The following TDRD9 variants were observed in gnomAD, a reference collection of about 807,000 sequenced individuals.
TDRD9 encodes the protein ATP-dependent RNA helicase TDRD9.
Under a neutral mutation model 172.6 loss-of-function variants are expected in TDRD9, and 124 were observed. That is an observed-to-expected ratio of 0.72 (90% CI 0.62 to 0.83). The LOEUF is 0.83. TDRD9 is among the 40% of genes least tolerant of loss of function. The probability of loss-of-function intolerance (pLI) is 0.00; values close to 1 mark genes in which losing one functional copy is unlikely to be tolerated. For synonymous variants in TDRD9, 619 were observed against 617.1 expected (o/e 1.00, Z -0.05); for missense variants, 1,479 against 1,714.1 (o/e 0.86, Z 2.42).
intron 1 of TDRD9, among the ~76,000 whole-genome samples, chr14:103,930,247 C>T (rs933576439): frequency 4.0e-5 from 6 of 151,534 alleles, no homozygotes; most frequent in South Asian, 2.1e-4. Flanking sequence ...AGTGCAGTGG[C>T]GCAATGTTGG....
rs777065614 is a variant in TDRD9, at chr14:104,007,182, CAG to C, written c.2031_2032del (p.Glu679AlafsTer7). 2.7e-5 allele frequency: 44 copies of C among 1,613,802 alleles called. No individual in the cohort carries two copies. In the Admixed American group the frequency reaches 3.0e-4, roughly 11 times the overall value. On this transcript the variant is annotated frameshift_variant, in exon 19 of 36. Coordinates refer to ENST00000409874, the MANE Select transcript of TDRD9 (RefSeq NM_153046.3). LOFTEE classifies it high-confidence loss of function. The stretch of plus-strand genomic sequence containing the variant: ...CAGACATGGAAGGCTTGCAGACAGA[CAG>C]GGGAGCTGCGGTACCCGAAGGTTGG...
intron 1 of TDRD9, chr14:103,945,315 C>G (rs934347674): frequency 1.3e-5 from 2 of 152,162 alleles, no homozygotes; most frequent in Admixed American, 1.3e-4. Context: ...ACTTTTCTTA[C>G]CACCTTAACT....
At chr14:103,962,512 G>A (rs1028994307) in intron 2 of TDRD9, among the ~76,000 whole-genome samples, 1 of 152,142 alleles carries the variant, frequency 6.6e-6, no homozygotes, top group African/African-American at 2.4e-5. Context: ...TAGATTCGGG[G>A]GTGCATGTTC....
At chr14:103,999,205 A>T (rs966589493) in intron 13 of TDRD9, among the ~76,000 whole-genome samples, 1 of 152,230 alleles carries the variant, frequency 6.6e-6, no homozygotes, top group Non-Finnish European at 1.5e-5. Flanking sequence ...CAGAGTGTCC[A>T]TTTAAATCCA....
intron 14 of TDRD9, 147 bp from the exon 15 acceptor site, chr14:104,005,127 T>C (rs1322052895): frequency 4.6e-6 from 3 of 659,206 alleles, no homozygotes; most frequent in Admixed American, 3.0e-5. Context: ...CTCCCTTCTC[T>C]TCTCTCCCTC....
chr14:103,974,545 T>C (rs1413288559), intron 6 of TDRD9, among the ~76,000 whole-genome samples: 1 of 152,242 alleles, frequency 6.6e-6, no homozygotes, highest in Non-Finnish European at 1.5e-5. Flanking sequence ...GTTTCTTGAG[T>C]TGGAGCTAGA....
intron 1 of TDRD9, among the ~76,000 whole-genome samples, chr14:103,936,458 C>G (rs1399254149): frequency 1.3e-5 from 2 of 152,136 alleles, no homozygotes; most frequent in Admixed American, 1.3e-4. Flanking sequence ...GTGAGAGTTG[C>G]TTCCTCATGC....
At chr14:104,001,980 T>C (rs1023292516) in intron 13 of TDRD9, among the ~76,000 whole-genome samples, 2 of 151,740 alleles carry the variant, frequency 1.3e-5, no homozygotes, top group East Asian at 3.9e-4. Flanking sequence ...CCATGAGCAA[T>C]GTGTGAGATC....
At chr14:103,933,577 T>G (rs947002391) in intron 1 of TDRD9, among the ~76,000 whole-genome samples, 2 of 152,038 alleles carry the variant, frequency 1.3e-5, no homozygotes, top group Non-Finnish European at 2.9e-5. Context: ...TTTTAAAAAA[T>G]ATTATTTAAA....
At chr14:103,961,429 G>C (rs1351508555) in intron 2 of TDRD9, among the ~76,000 whole-genome samples, 3 of 151,990 alleles carry the variant, frequency 2.0e-5, no homozygotes, top group African/African-American at 7.3e-5. Context: ...CGGGTGTGGT[G>C]GTGGGCACCT....
At chr14:103,941,714 T>C (rs1213477756) in intron 1 of TDRD9, 28 of 1,459,742 alleles carry the variant, frequency 1.9e-5, no homozygotes, top group Non-Finnish European at 2.4e-5. Context: ...TATGGAAATA[T>C]TTTCACTTGT....
At chr14:104,034,935 T>C (rs1206211309) in intron 31 of TDRD9, 25 bp from the exon 32 acceptor site, 10 of 1,536,184 alleles carry the variant, frequency 6.5e-6, no homozygotes, top group Admixed American at 2.0e-5. Flanking sequence ...TAATGCCCGA[T>C]GTTGATTTAG....
At chr14:104,022,729 A>AAAATAAATAAATAAATAAATAAAT (rs139166055) in intron 24 of TDRD9, among the ~76,000 whole-genome samples, 3 of 145,984 alleles carry the variant, frequency 2.1e-5, no homozygotes, top group Non-Finnish European at 1.5e-5. Context: ...GCTGTCTTAA[A>AAAATAAATAAATAAATAAATAAAT]AAATAAATAA....
In TDRD9 at chr14:104,042,165, A is replaced by T; in HGVS notation, c.3952A>T (p.Ile1318Phe). The part of the protein sequence containing the change: ...GPERVAQLQD[I>F]ARQKLLGLFC... ...AGAGAGAGTTGCGCAGCTTCAAGAC[A>T]TTGCCCGTCAGAAGCTTTTAGGGTA... The change falls in exon 34 of 36, where the codon ATT becomes TTT. Residue 1318 changes from isoleucine to phenylalanine, a missense_variant. Around this residue, in one of 3 missense-constraint regions of TDRD9, gnomAD observed 1,413 missense variants for 1,649.1 expected, o/e 0.86. Coordinates refer to ENST00000409874, the MANE Select transcript of TDRD9 (RefSeq NM_153046.3). The T allele has an allele frequency of 6.2e-7, 1 of 1,612,722 alleles. No homozygotes were observed. The highest frequency in any genetic ancestry group is 8.5e-7 in the Non-Finnish European group (1 of 1,178,758).
At position 103,933,126 on chromosome 14, in the gene TDRD9, G is replaced by A. The variant is rs75644000; in HGVS notation, c.215+4402G>A. On this transcript the variant is annotated intron_variant, in intron 1 of 35. Transcript: ENST00000409874. ...TTTCCCCATGTCTCCTCTTCCACAT[G>A]GTACTGTATTTTACTCTTTGATGGT... 6.6e-3 allele frequency among the ~76,000 whole-genome samples: 1,004 copies of A among 152,232 alleles called. 23 individuals are homozygous for A. The highest frequency in any genetic ancestry group is 0.037 in the East Asian group (194 of 5,178).
intron 8 of TDRD9, among the ~76,000 whole-genome samples, chr14:103,987,661 A>C (rs1004581035): frequency 6.6e-6 from 1 of 152,174 alleles, no homozygotes; most frequent in Non-Finnish European, 1.5e-5. Context: ...GGTTTGTTGC[A>C]TGCCTAGCAT....
In TDRD9 at chr14:104,022,211, A is replaced by G. The variant is rs1314319909; in HGVS notation, c.2487A>G (p.Ala829=). The change falls in exon 24 of 36, where the codon GCA becomes GCG. Residue 829 remains alanine, a synonymous_variant. Transcript: ENST00000409874. ...CAGAGAGATTTAAAACCCTTCCTGCAGTATATATGGCAATTAAGATGTCTC... is the reference window on the plus strand; with the variant it reads ...CAGAGAGATTTAAAACCCTTCCTGCGGTATATATGGCAATTAAGATGTCTC... The part of the protein sequence containing the change: ...NPTERFKTLP[A]VYMAIKMSQL... 3 of 1,589,328 alleles carry G rather than the reference A, an allele frequency of 1.9e-6. No individual in the cohort carries two copies. The highest frequency in any genetic ancestry group is 2.6e-6 in the Non-Finnish European group (3 of 1,167,550).
intron 32 of TDRD9, among the ~76,000 whole-genome samples, chr14:104,038,575 G>A (rs915671888): frequency 6.6e-5 from 10 of 152,348 alleles, no homozygotes; most frequent in East Asian, 1.9e-4. Flanking sequence ...TCTCAGTGAG[G>A]ACTTCCACAA....
At position 103,959,389 on chromosome 14, in the gene TDRD9, A is replaced by T. The variant is rs375629033; in HGVS notation, c.322+3619A>T. Among the ~76,000 whole-genome samples, 14 of 151,854 alleles carry T rather than the reference A, an allele frequency of 9.2e-5. No homozygotes were observed. The East Asian group carries it at 1.6e-3, about 17-fold the overall frequency. On this transcript the variant is annotated intron_variant, in intron 2 of 35. Coordinates refer to ENST00000409874, the MANE Select transcript of TDRD9 (RefSeq NM_153046.3). ...CTGGGACTGTAAACATGTCACCGTC[A>T]TGTCTGCTAAATGTTTTGAAGTGTT...
Sources: allele counts gnomAD v4.1 joint callset (sites outside exome capture counted in the v4.1 genomes callset), GRCh38; gene constraint gnomAD v4.1.1; regional missense constraint gnomAD v4.1.1; transcripts MANE v1.5; gene names NCBI Gene and HGNC (gene_info 2026-07-23, HGNC 2026-07-21).